Variants in TPPP observed in about 807,000 individuals in gnomAD.
TPPP encodes tubulin polymerization promoting protein.
Under a neutral mutation model 15.5 loss-of-function variants are expected in TPPP, and 6 were observed. That is an observed-to-expected ratio of 0.39 (90% CI 0.21 to 0.77). The LOEUF (loss-of-function observed/expected upper bound fraction) is 0.77, where lower values mean the gene tolerates loss of function less well. Ranked by LOEUF, TPPP falls within the 30% of genes least tolerant of loss-of-function variation. The probability of loss-of-function intolerance (pLI) is 0.42; values close to 1 mark genes in which losing one functional copy is unlikely to be tolerated. For missense variants in TPPP, 269 were observed against 307.2 expected (o/e 0.88, Z 0.93); for synonymous variants, 146 against 133.9 (o/e 1.09, Z -0.63).
At chr5:694,126 G>A (rs1356821705), upstream of TPPP, among the ~76,000 whole-genome samples, 19 of 146,610 alleles carry the variant, frequency 1.3e-4, no homozygotes, top group African/African-American at 4.4e-4. Context: ...TTCCAATCTC[G>A]CCTTTCTCCG....
At chr5:677,061 A>G (rs544462280) in intron 2 of TPPP, among the ~76,000 whole-genome samples, 24 of 152,114 alleles carry the variant, frequency 1.6e-4, no homozygotes, top group African/African-American at 5.3e-4. Context: ...ACGTGCACAC[A>G]GAAACGCGCA....
At chr5:673,862 A>G (rs1740308785) in intron 2 of TPPP, among the ~76,000 whole-genome samples, 1 of 152,206 alleles carries the variant, frequency 6.6e-6, no homozygotes, top group Admixed American at 6.5e-5. Flanking sequence ...ACAAGCAGGC[A>G]GGGCTCCCAT....
Position 692,699 on chromosome 5 carries a change from C to T in TPPP, c.-5+579G>A, listed in dbSNP as rs1231956859. ...CAGGCCCGCGGACAGTAGCCAAGAC[C>T]CGGGGCAGCTGGAGGCTCTGCGGGG... is the stretch of plus-strand genomic sequence containing the variant. On this transcript the variant is annotated intron_variant, in intron 1 of 3. Transcript: ENST00000360578. 4.1e-6 allele frequency: 4 copies of T among 981,968 alleles called. 1 individual carries two copies. Among genetic ancestry groups the T allele is most frequent in the East Asian group, 2.3e-4 (2 of 8,774 alleles). 60.8% of individuals were successfully genotyped at this position (981,968 alleles called of 1,614,324 possible).
intron 1 of TPPP, among the ~76,000 whole-genome samples, chr5:691,642 C>G (rs1249235237): frequency 3.4e-5 from 1 of 29,500 alleles, no homozygotes; most frequent in African/African-American, 1.4e-4. Context: ...AACAGCAGCC[C>G]CCAACCCCCA....
Position 660,594 on chromosome 5 carries a change from CGT to C in TPPP, c.*4506_*4507del, listed in dbSNP as rs1561073626. 1 of 152,376 alleles carries C rather than the reference CGT, an allele frequency of 6.6e-6. No homozygotes were observed. The highest frequency in any genetic ancestry group is 2.4e-5 in the African/African-American group (1 of 41,440). 9.4% of individuals were successfully genotyped at this position (152,376 alleles called of 1,614,324 possible). On this transcript the variant is annotated 3_prime_UTR_variant, in exon 4 of 4. Transcript: ENST00000360578. Reference sequence around the variant, plus strand: ...GGGGTGGGAGGGTGGCCAGTGCACGCGTGATTGCCCACAGGAGGAGATGAGCT... The same window carrying C: ...GGGGTGGGAGGGTGGCCAGTGCACGCGATTGCCCACAGGAGGAGATGAGCT...
At chr5:683,924 A>G (rs763322539) in intron 1 of TPPP, among the ~76,000 whole-genome samples, 1 of 152,084 alleles carries the variant, frequency 6.6e-6, no homozygotes, top group Non-Finnish European at 1.5e-5. Context: ...GCTCTTCAGA[A>G]CCTTTACGCC....
At chr5:674,141 T>G (rs1392489242) in intron 2 of TPPP, among the ~76,000 whole-genome samples, 1 of 152,158 alleles carries the variant, frequency 6.6e-6, no homozygotes, top group African/African-American at 2.4e-5. Context: ...TCTAGGAGCT[T>G]CACCCACAAG....
intron 2 of TPPP, among the ~76,000 whole-genome samples, chr5:666,648 G>A (rs1214098786): frequency 6.6e-6 from 1 of 152,360 alleles, no homozygotes; most frequent in South Asian, 2.1e-4. Context: ...GCCCCGCTGT[G>A]CCCTTGCACT....
intron 2 of TPPP, among the ~76,000 whole-genome samples, chr5:667,644 A>G (rs1739976524): frequency 1.3e-5 from 2 of 152,214 alleles, no homozygotes; most frequent in South Asian, 2.1e-4. Context: ...ACTAGGAGAC[A>G]TGCCTGAGAA....
chr5:698,741 T>C, the TPPP span, among the ~76,000 whole-genome samples: 2 of 151,942 alleles, frequency 1.3e-5, no homozygotes, highest in African/African-American at 4.8e-5. Context: ...CAATTCAAGA[T>C]GAGATTTGGG....
intron 1 of TPPP, among the ~76,000 whole-genome samples, chr5:679,389 G>GA (rs1206972427): frequency 5.0e-5 from 6 of 120,862 alleles, no homozygotes; most frequent in Non-Finnish European, 9.1e-5. Flanking sequence ...GTGGGGGCTG[G>GA]GCCGCGTGGG....
At chr5:696,480 G>A (rs921935817), upstream of TPPP, among the ~76,000 whole-genome samples, 3 of 146,850 alleles carry the variant, frequency 2.0e-5, no homozygotes, top group Admixed American at 1.4e-4. Flanking sequence ...TTTGGGCCCC[G>A]TAGGGGTGTG....
intron 2 of TPPP, among the ~76,000 whole-genome samples, chr5:675,188 GGTGTGGCCA>G (rs1740370629): frequency 3.2e-5 from 2 of 63,046 alleles, no homozygotes; most frequent in Non-Finnish European, 2.8e-5. Flanking sequence ...TGGAGGGTAC[GGTGTGGCCA>G]GGGGTTCAGT....
At position 669,107 on chromosome 5, in the gene TPPP, A is replaced by G. The variant is rs79836712; in HGVS notation, c.312-2984T>C. 5.3e-3 allele frequency among the ~76,000 whole-genome samples: 810 copies of G among 152,334 alleles called. 59 individuals carry two copies. In the East Asian group the frequency reaches 0.14, roughly 25 times the overall value. On this transcript the variant is annotated intron_variant, in intron 2 of 3. Coordinates refer to ENST00000360578, the MANE Select transcript of TPPP (RefSeq NM_007030.3). ...CCCACAGCTCAGACCCTCACGCCTC[A>G]TGGGGTCCCAGGGAGGGGAGCGGAG...
intron 1 of TPPP, among the ~76,000 whole-genome samples, chr5:685,607 G>A (rs1004907190): frequency 2.0e-5 from 3 of 152,226 alleles, no homozygotes; most frequent in Admixed American, 6.5e-5. Flanking sequence ...CCCTCCCTCC[G>A]CCCTCAGAAG....
chr5:678,624 TG>T (rs1220464505), intron 1 of TPPP, among the ~76,000 whole-genome samples: 24 of 135,456 alleles, frequency 1.8e-4, no homozygotes, highest in Admixed American at 1.4e-3. Context: ...AGCTTTAGGC[TG>T]GGGAGGGTGC....
At chr5:670,010 C>T (rs1379745943) in intron 2 of TPPP, among the ~76,000 whole-genome samples, 2 of 152,218 alleles carry the variant, frequency 1.3e-5, no homozygotes, top group Non-Finnish European at 2.9e-5. Context: ...CCAAAGCCGG[C>T]CCAGCAGGAC....
At chr5:670,915 CCTCAT>C (rs1740198330) in intron 2 of TPPP, among the ~76,000 whole-genome samples, 1 of 152,212 alleles carries the variant, frequency 6.6e-6, no homozygotes, top group African/African-American at 2.4e-5. Flanking sequence ...GGGCTTCTCC[CCTCAT>C]CTCAGGAAAC....
chr5:683,279 C>G (rs1348669620), intron 1 of TPPP, among the ~76,000 whole-genome samples: 2 of 90,414 alleles, frequency 2.2e-5, no homozygotes, highest in African/African-American at 1.8e-4. Context: ...GAGAACCTGT[C>G]TCTGCGGAGA....
Sources: gnomAD v4.1 joint callset for allele counts (sites outside exome capture counted in the v4.1 genomes callset) on GRCh38, gnomAD v4.1.1 for gene constraint, MANE v1.5 for transcripts, NCBI Gene and HGNC (gene_info 2026-07-23, HGNC 2026-07-21) for gene names.